TECPR2: variants seen among roughly 807,000 people sequenced by gnomAD.
The protein encoded by TECPR2 is tectonin beta-propeller repeat containing 2, also known as tectonin beta-propeller repeat-containing protein 2.
In TECPR2, 65 loss-of-function variants were observed where a neutral mutation model predicts 138.1. The observed-to-expected ratio is 0.47, with a 90% confidence interval of 0.39 to 0.58. TECPR2 has a LOEUF of 0.58. Among genes scored for constraint, TECPR2 ranks in the 20% least tolerant of loss-of-function variants. The probability of loss-of-function intolerance (pLI) is 0.00; values close to 1 mark genes in which losing one functional copy is unlikely to be tolerated. For synonymous variants in TECPR2, 746 were observed against 749.8 expected (o/e 0.99, Z 0.08); for missense variants, 1,553 against 1,824.5 (o/e 0.85, Z 2.71).
intron 11 of TECPR2, among the ~76,000 whole-genome samples, chr14:102,441,980 G>A (rs1479000656): frequency 1.3e-5 from 2 of 152,060 alleles, no homozygotes; most frequent in African/African-American, 4.8e-5. Flanking sequence ...CCAGGAGAAT[G>A]TTGTTGTTGT....
At chr14:102,363,211 C>T (rs1887230604) in intron 1 of TECPR2, 95 bp downstream of exon 1, 2 of 259,246 alleles carry the variant, frequency 7.7e-6, no homozygotes, top group African/African-American at 4.5e-5. Flanking sequence ...GCCACTCTTC[C>T]CTTGCCTCAG....
chr14:102,474,836 C>A (rs190092185), intron 17 of TECPR2, among the ~76,000 whole-genome samples: 5 of 152,018 alleles, frequency 3.3e-5, no homozygotes, highest in Admixed American at 3.3e-4. Context: ...AGTAGGTTGT[C>A]CCCCCTTCCC....
chr14:102,439,869 TCTC>T (rs1889783073), intron 10 of TECPR2, among the ~76,000 whole-genome samples: 1 of 152,140 alleles, frequency 6.6e-6, no homozygotes, highest in Admixed American at 6.5e-5. Context: ...CCCTTTCCTC[TCTC>T]CTCCTCCATC....
At chr14:102,469,164 G>C (rs1890611617) in intron 17 of TECPR2, among the ~76,000 whole-genome samples, 2 of 152,146 alleles carry the variant, frequency 1.3e-5, no homozygotes, top group African/African-American at 4.8e-5. Flanking sequence ...GAAAGGAATT[G>C]TGTCGAATCA....
At chr14:102,427,763 C>T (rs757142290) in intron 6 of TECPR2, among the ~76,000 whole-genome samples, 8 of 152,102 alleles carry the variant, frequency 5.3e-5, no homozygotes, top group African/African-American at 1.2e-4. Context: ...AGGAGTGGGG[C>T]GTCAAGCGGA....
chr14:102,397,773 A>G (rs1567323429), intron 2 of TECPR2, among the ~76,000 whole-genome samples: 1 of 151,472 alleles, frequency 6.6e-6, no homozygotes, highest in Non-Finnish European at 1.5e-5. Flanking sequence ...TAAGATGTGG[A>G]AAAAGGTAAA....
chr14:102,482,930 G>A (rs1422358590), intron 17 of TECPR2, among the ~76,000 whole-genome samples: 2 of 138,160 alleles, frequency 1.4e-5, no homozygotes, highest in Non-Finnish European at 3.0e-5. Context: ...TGCAAGCTCT[G>A]CCTCCCAGGT....
In TECPR2 at chr14:102,415,659, G is replaced by A. The variant is rs1449978473; in HGVS notation, c.638+866G>A. Among the ~76,000 whole-genome samples, 2 of 152,132 alleles carry A rather than the reference G, an allele frequency of 1.3e-5. No individual in the cohort carries two copies. Among genetic ancestry groups the A allele is most frequent in the Admixed American group, 1.3e-4 (2 of 15,276 alleles). ...GCCAACGTGGGGGTGGGAAGCAGAG[G>A]GCGGCATTAGTACAGATCATGCGTT... On this transcript the variant is annotated intron_variant, in intron 5 of 19. Transcript: ENST00000359520. This position sits in a 1 kb window ranked among gnomAD's most constrained non-coding sequence, Gnocchi z 4.3.
At position 102,439,424 on chromosome 14, in the gene TECPR2, CTGTT is replaced by C. The variant is rs911543152; in HGVS notation, c.2579-1005_2579-1002del. 1.4e-4 allele frequency among the ~76,000 whole-genome samples: 22 copies of C among 152,230 alleles called. 2 individuals are homozygous for C. Among genetic ancestry groups the C allele is most frequent in the African/African-American group, 5.3e-4 (22 of 41,564 alleles). On this transcript the variant is annotated intron_variant, in intron 10 of 19. Transcript: ENST00000359520. ...GCGTTGTTTTTCTTGCTTGCTTTCA[CTGTT>C]TGTTTGAAAAATATTTTTCTTTAGA...
rs900939576 is a variant in TECPR2, at chr14:102,443,613, G to A, written c.2753-34G>A. ...AAATGAGGTGTGGAGTTCTGACTGT[G>A]TGTCTTTGGGGCTTCTTCCCATCTT... On this transcript the variant is annotated intron_variant, in intron 11 of 19. Coordinates refer to ENST00000359520, the MANE Select transcript of TECPR2 (RefSeq NM_014844.5). This position sits in a 1 kb window ranked among gnomAD's most constrained non-coding sequence, Gnocchi z 4.9. 2.0e-6 allele frequency: 3 copies of A among 1,497,766 alleles called. No homozygotes were observed. Among genetic ancestry groups the A allele is most frequent in the Non-Finnish European group, 2.7e-6 (3 of 1,108,210 alleles). 92.8% of individuals were successfully genotyped at this position (1,497,766 alleles called of 1,614,324 possible). A position where few individuals can be genotyped will look rare whatever the true frequency, so the allele number is the denominator to read the frequency against.
intron 2 of TECPR2, among the ~76,000 whole-genome samples, chr14:102,402,173 T>A (rs1449847594): frequency 1.3e-5 from 2 of 152,174 alleles, no homozygotes; most frequent in Non-Finnish European, 2.9e-5. Flanking sequence ...TGTCAATAGA[T>A]TTTAAAAGAT....
In TECPR2 at chr14:102,428,302, C is replaced by T. The variant is rs1889384232; in HGVS notation, c.1004C>T (p.Thr335Ile). 5 of 1,573,286 alleles carry T rather than the reference C, an allele frequency of 3.2e-6. No homozygotes were observed. Among genetic ancestry groups the T allele is most frequent in the Non-Finnish European group, 4.3e-6 (5 of 1,158,624 alleles). The change falls in exon 7 of 20, where the codon ACA (threonine) becomes ATA (isoleucine). Residue 335 changes from threonine (T) to isoleucine (I), a missense_variant. Coordinates refer to ENST00000359520, the MANE Select transcript of TECPR2 (RefSeq NM_014844.5). Reference protein sequence around the residue: ...GSGDIVSVSCTENEIFFLKGD... With the variant: ...GSGDIVSVSCIENEIFFLKGD... ...GGTGATATTGTGTCTGTTTCGTGCACAGAAAATGAAATATTTTTCTTGAAA... is the reference window on the plus strand; with the variant it reads ...GGTGATATTGTGTCTGTTTCGTGCATAGAAAATGAAATATTTTTCTTGAAA...
chr14:102,497,791 C>G, intron 19 of TECPR2, 72 bp downstream of exon 19: 8 of 1,472,306 alleles, frequency 5.4e-6, no homozygotes, highest in Non-Finnish European at 7.2e-6. Flanking sequence ...TGTCGGGGGG[C>G]TCTCAAAGAA....
At chr14:102,484,907 C>T (rs959624085) in intron 17 of TECPR2, among the ~76,000 whole-genome samples, 1 of 152,254 alleles carries the variant, frequency 6.6e-6, no homozygotes. Flanking sequence ...ATCCGGTCTG[C>T]CTCGGCTTCC....
chr14:102,464,038 G>GGCT (rs1255859194), intron 16 of TECPR2, among the ~76,000 whole-genome samples: 21 of 152,358 alleles, frequency 1.4e-4, no homozygotes, highest in African/African-American at 4.8e-4. Context: ...AGAGGACCCA[G>GGCT]GCTGACCCAG....
chr14:102,454,681 C>A (rs1328038872), intron 16 of TECPR2, among the ~76,000 whole-genome samples: 1 of 152,202 alleles, frequency 6.6e-6, no homozygotes, highest in Non-Finnish European at 1.5e-5. Context: ...CAGCTCCTAC[C>A]CAGACTAACT....
chr14:102,437,214 T>G, intron 9 of TECPR2: 1 of 978,568 alleles, frequency 1.0e-6, no homozygotes, highest in Non-Finnish European at 1.2e-6. Flanking sequence ...TTGAAAAGTA[T>G]TAAAGTACAA....
At chr14:102,430,438 A>G (rs1889438615) in intron 7 of TECPR2, among the ~76,000 whole-genome samples, 1 of 152,194 alleles carries the variant, frequency 6.6e-6, no homozygotes. Flanking sequence ...TGTACACTTC[A>G]TTGCCTGCAG....
At chr14:102,489,576 G>T (rs569629766) in intron 17 of TECPR2, among the ~76,000 whole-genome samples, 1 of 151,868 alleles carries the variant, frequency 6.6e-6, no homozygotes, top group South Asian at 2.1e-4. Flanking sequence ...ATGGTGGCAG[G>T]CCCCTGTAGT....
Sources: allele counts gnomAD v4.1 joint callset (sites outside exome capture counted in the v4.1 genomes callset), GRCh38; gene constraint gnomAD v4.1.1; non-coding constraint Gnocchi (gnomAD v3.1); transcripts MANE v1.5; gene names NCBI Gene and HGNC (gene_info 2026-07-23, HGNC 2026-07-21).